The following DESI1 variants were observed in gnomAD, a reference collection of about 807,000 sequenced individuals.
The protein encoded by DESI1 is desumoylating isopeptidase 1, also known as PPPDE peptidase domain containing 2.
Under a neutral mutation model 22.4 loss-of-function variants are expected in DESI1, and 17 were observed. The observed-to-expected ratio is 0.76, with a 90% CI of 0.52 to 1.14. The LOEUF is 1.14. DESI1 is among the 50% of genes most tolerant of loss of function. The pLI is 0.00. For missense variants in DESI1, 177 were observed against 208.9 expected (o/e 0.85, Z 0.94); for synonymous variants, 92 against 84.2 (o/e 1.09, Z -0.51).
At position 41,600,200 on chromosome 22, in the gene DESI1, T is replaced by C. The variant is rs1476262472; in HGVS notation, c.*897A>G. ...TCTCAAAAAATAATAATAATTAAAA[T>C]AAAGGTATTTTCTTAGAGTAGGGAA... is the stretch of plus-strand genomic sequence containing the variant. On this transcript the variant is annotated 3_prime_UTR_variant, in exon 6 of 6. Transcript: ENST00000263256. 6.6e-6 allele frequency: 1 copy of C among 152,178 alleles called. No individual in the cohort carries two copies. Among genetic ancestry groups the C allele is most frequent in the Non-Finnish European group, 1.5e-5 (1 of 68,026 alleles). 9.4% of individuals were successfully genotyped at this position (152,178 alleles called of 1,614,324 possible).
intron 1 of DESI1, among the ~76,000 whole-genome samples, chr22:41,619,320 A>G (rs2067568818): frequency 6.6e-6 from 1 of 152,208 alleles, no homozygotes; most frequent in South Asian, 2.1e-4. Context: ...TAGAATCCAT[A>G]TAATTAAAAT....
chr22:41,606,001 A>C (rs1246465860), intron 3 of DESI1, among the ~76,000 whole-genome samples: 1 of 152,074 alleles, frequency 6.6e-6, no homozygotes, highest in Non-Finnish European at 1.5e-5. Flanking sequence ...GAAGAGAGTG[A>C]GGGTTGGGAG....
At position 41,616,598 on chromosome 22, in the gene DESI1, C is replaced by G. The variant is rs572539573; in HGVS notation, c.88+4154G>C. 2.1e-4 allele frequency among the ~76,000 whole-genome samples: 31 copies of G among 150,542 alleles called. No individual in the cohort carries two copies. The South Asian group carries it at 5.0e-3, about 25-fold the overall frequency. On this transcript the variant is annotated intron_variant, in intron 1 of 5. Transcript: ENST00000263256. The stretch of plus-strand genomic sequence containing the variant: ...CATGTACTGTGGCACAAAAAGAGGT[C>G]AAGAAACTTAAAGAGCAGCCAAAAT...
intron 5 of DESI1, 132 bp downstream of exon 5, chr22:41,603,125 CTG>C: frequency 7.6e-7 from 1 of 1,318,640 alleles, no homozygotes; most frequent in South Asian, 1.3e-5. Context: ...TGGCAGCCTT[CTG>C]TGTTAGAATC....
intron 1 of DESI1, among the ~76,000 whole-genome samples, chr22:41,610,082 A>T (rs2067507763): frequency 4.1e-4 from 4 of 9,820 alleles, no homozygotes; most frequent in Admixed American, 1.5e-3. Flanking sequence ...CTCTATCTTA[A>T]AAAAAAAAAA....
rs1461246890 is a variant in DESI1 at position 41,603,389 on chromosome 22, T to C, written c.291-8A>G. On this transcript the variant is annotated splice_region_variant and splice_polypyrimidine_tract_variant and intron_variant, in intron 4 of 5. Coordinates refer to ENST00000263256, the MANE Select transcript of DESI1 (RefSeq NM_015704.3). ...AGGTTGTAGGCCTCACCTCTGTACATTGAAAGGTTTGCAGAACATATATGA... is the reference window on the plus strand; with the variant it reads ...AGGTTGTAGGCCTCACCTCTGTACACTGAAAGGTTTGCAGAACATATATGA... 6.8e-6 allele frequency: 11 copies of C among 1,614,072 alleles called. No individual in the cohort carries two copies. The highest frequency in any genetic ancestry group is 2.2e-5 in the East Asian group (1 of 44,900).
intron 1 of DESI1, among the ~76,000 whole-genome samples, chr22:41,612,056 T>C (rs2067520818): frequency 6.6e-6 from 1 of 152,102 alleles, no homozygotes; most frequent in Non-Finnish European, 1.5e-5. Flanking sequence ...GAGTGACTAC[T>C]ACCTTCCAGG....
At chr22:41,601,766 T>C (rs995164084) in intron 5 of DESI1, among the ~76,000 whole-genome samples, 1 of 152,038 alleles carries the variant, frequency 6.6e-6, no homozygotes, top group African/African-American at 2.4e-5. Context: ...AGAGCTGGAG[T>C]GCAATGGCGT....
At chr22:41,603,226 C>T in intron 5 of DESI1, 33 bp downstream of exon 5, 1 of 1,613,642 alleles carries the variant, frequency 6.2e-7, no homozygotes, top group Non-Finnish European at 8.5e-7. Context: ...CAAGGTTGGC[C>T]AAGGCAGGGG....
intron 1 of DESI1, among the ~76,000 whole-genome samples, chr22:41,608,896 G>A (rs997772998): frequency 1.3e-5 from 2 of 152,136 alleles, no homozygotes; most frequent in Non-Finnish European, 2.9e-5. Context: ...TTCACACGGC[G>A]ACATGGCAGA....
At chr22:41,601,765 G>T (rs2067450970) in intron 5 of DESI1, among the ~76,000 whole-genome samples, 1 of 152,166 alleles carries the variant, frequency 6.6e-6, no homozygotes, top group Non-Finnish European at 1.5e-5. Flanking sequence ...TAGAGCTGGA[G>T]TGCAATGGCG....
chr22:41,602,720 G>A, intron 5 of DESI1: 5 of 989,526 alleles, frequency 5.1e-6, no homozygotes, highest in Non-Finnish European at 6.0e-6. Context: ...TCCAAGGCTT[G>A]GGGCACATCA....
chr22:41,604,197 A>G, intron 3 of DESI1, 44 bp from the exon 4 acceptor site: 1 of 1,532,490 alleles, frequency 6.5e-7, no homozygotes, highest in South Asian at 1.1e-5. Flanking sequence ...TACCATCTCC[A>G]CTGAATGTTT....
intron 3 of DESI1, among the ~76,000 whole-genome samples, chr22:41,605,264 C>T (rs941259200): frequency 7.2e-5 from 11 of 152,160 alleles, no homozygotes; most frequent in African/African-American, 2.7e-4. Flanking sequence ...CTTGCCCTAT[C>T]ACCATCATAG....
In DESI1 at chr22:41,606,149, C is replaced by T. The variant is rs988078189; in HGVS notation, c.180+1113G>A. Among the ~76,000 whole-genome samples, 3 of 151,882 alleles carry T rather than the reference C, an allele frequency of 2.0e-5. No individual in the cohort carries two copies. In the East Asian group the frequency reaches 5.8e-4, roughly 29 times the overall value. ...TGGCTTATGCAGTAGATTGCTTGAG[C>T]CCAGGAGTTTGAGATCAGTCTGGGC... On this transcript the variant is annotated intron_variant, in intron 3 of 5. Transcript: ENST00000263256.
At chr22:41,602,060 G>GA (rs1402173039) in intron 5 of DESI1, 51 of 388,760 alleles carry the variant, frequency 1.3e-4, no homozygotes, top group South Asian at 2.1e-4. Flanking sequence ...GTAACAGATG[G>GA]AAAAAAAACT....
chr22:41,604,732 T>TAA (rs111720971), intron 3 of DESI1, among the ~76,000 whole-genome samples: 5 of 144,214 alleles, frequency 3.5e-5, no homozygotes, highest in African/African-American at 1.3e-4. Context: ...CTGATGAGCT[T>TAA]AAAAAAAAAA....
chr22:41,607,250 G>A lies in DESI1; in HGVS notation c.180+12C>T. On this transcript the variant is annotated intron_variant, in intron 3 of 5. Coordinates refer to ENST00000263256, the MANE Select transcript of DESI1 (RefSeq NM_015704.3). ...TGAGACTGCAGGACAGAGTGTAGGG[G>A]AAGACACTCACCGGGGGGCAGCTGG... 3 of 1,604,908 alleles carry A rather than the reference G, an allele frequency of 1.9e-6. No homozygotes were observed. The highest frequency in any genetic ancestry group is 1.3e-5 in the African/African-American group (1 of 74,504).
At chr22:41,602,545 C>T in intron 5 of DESI1, 1 of 985,448 alleles carries the variant, frequency 1.0e-6, no homozygotes, top group East Asian at 1.1e-4. Context: ...TTAAATAAGG[C>T]CATAGTTCAG....
Sources: allele counts gnomAD v4.1 joint callset (sites outside exome capture counted in the v4.1 genomes callset), GRCh38; gene constraint gnomAD v4.1.1; transcripts MANE v1.5; gene names NCBI Gene and HGNC (gene_info 2026-07-23, HGNC 2026-07-21).